The following GIPC2 variants were observed in gnomAD, a reference collection of about 807,000 sequenced individuals.
GIPC2 encodes the protein GIPC PDZ domain containing family member 2.
In GIPC2, 30 loss-of-function variants were observed where a neutral mutation model predicts 30.6. That is an observed-to-expected ratio of 0.98 (90% CI 0.73 to 1.33). The LOEUF (loss-of-function observed/expected upper bound fraction) is 1.33, where lower values mean the gene tolerates loss of function less well. Ranked by LOEUF, GIPC2 falls within the 40% of genes most tolerant of loss-of-function variation. The pLI, the probability that GIPC2 is intolerant of heterozygous loss-of-function variation, is 0.00. For synonymous variants in GIPC2, 167 were observed against 150.0 expected (o/e 1.11, Z -0.83); for missense variants, 414 against 390.3 (o/e 1.06, Z -0.51).
chr1:78,061,483 GT>G (rs773249263), intron 1 of GIPC2, among the ~76,000 whole-genome samples: 29 of 150,496 alleles, frequency 1.9e-4, no homozygotes, highest in Non-Finnish European at 3.9e-4. Context: ...TGGTAGAATG[GT>G]TTTTTTTTGT....
intron 3 of GIPC2, among the ~76,000 whole-genome samples, chr1:78,098,864 G>A (rs992776905): frequency 6.6e-6 from 1 of 152,086 alleles, no homozygotes; most frequent in Non-Finnish European, 1.5e-5. Flanking sequence ...AAGGAGAGAG[G>A]CCTCAAAAGA....
chr1:78,101,233 C>T (rs17101281), intron 3 of GIPC2, among the ~76,000 whole-genome samples: 5,585 of 152,166 alleles, frequency 0.037, 234 homozygotes, highest in African/African-American at 0.11. Flanking sequence ...TACTCAAGAT[C>T]AAGTCACTTG....
chr1:78,107,377 T>C (rs536933987), intron 3 of GIPC2, among the ~76,000 whole-genome samples: 1 of 152,170 alleles, frequency 6.6e-6, no homozygotes, highest in South Asian at 2.1e-4. Context: ...ACTCCTGGGC[T>C]CAAGCAGTAT....
At chr1:78,109,987 T>C (rs1240215040) in intron 3 of GIPC2, among the ~76,000 whole-genome samples, 1 of 147,954 alleles carries the variant, frequency 6.8e-6, no homozygotes, top group Non-Finnish European at 1.5e-5. Context: ...AATTGAACAA[T>C]GAGAACCCAT....
At chr1:78,106,553 C>G (rs983468447) in intron 3 of GIPC2, among the ~76,000 whole-genome samples, 1 of 152,088 alleles carries the variant, frequency 6.6e-6, no homozygotes, top group Non-Finnish European at 1.5e-5. Flanking sequence ...GAGCAAGACT[C>G]CATCTCAAAA....
At chr1:78,045,826 A>G (rs1412329806), upstream of GIPC2, 4 of 1,224,192 alleles carry the variant, frequency 3.3e-6, no homozygotes, top group African/African-American at 6.3e-5. Context: ...CATTTTTTAC[A>G]AGGAGTAGGG....
chr1:78,135,436 G>A (rs1662982374), intron 5 of GIPC2, among the ~76,000 whole-genome samples, 156 bp from the exon 6 acceptor site: 1 of 152,106 alleles, frequency 6.6e-6, no homozygotes, highest in Non-Finnish European at 1.5e-5. Context: ...GTGTGAGAGA[G>A]GGTATCTTAC....
chr1:78,121,283 T>TG (rs1662677907), intron 4 of GIPC2, among the ~76,000 whole-genome samples: 1 of 151,922 alleles, frequency 6.6e-6, no homozygotes, highest in African/African-American at 2.4e-5. Flanking sequence ...CGTGGGCAGA[T>TG]GGGATGTCGA....
chr1:78,091,811 T>C (rs1281318746), intron 2 of GIPC2: 6 of 777,222 alleles, frequency 7.7e-6, no homozygotes, highest in South Asian at 4.0e-5. Context: ...TAGAAAACTT[T>C]CTGAAGCTGA....
chr1:78,095,252 A>G (rs1012729245), intron 3 of GIPC2, 120 bp downstream of exon 3: 1 of 635,410 alleles, frequency 1.6e-6, no homozygotes, highest in African/African-American at 1.8e-5. Flanking sequence ...TATCTAACAT[A>G]TCAGTTAAAA....
At chr1:78,114,421 C>T (rs1473042603) in intron 3 of GIPC2, among the ~76,000 whole-genome samples, 1 of 152,114 alleles carries the variant, frequency 6.6e-6, no homozygotes, top group Non-Finnish European at 1.5e-5. Flanking sequence ...CCTGTTTTTT[C>T]CCCTGTGGAT....
chr1:78,061,032 G>A (rs965181488), intron 1 of GIPC2, among the ~76,000 whole-genome samples: 1 of 152,256 alleles, frequency 6.6e-6, no homozygotes, highest in Non-Finnish European at 1.5e-5. Context: ...TCCTTGCAGT[G>A]TCTCATAGGG....
At chr1:78,119,287 A>G (rs1662633220) in intron 3 of GIPC2, 106 bp from the exon 4 acceptor site, 3 of 623,716 alleles carry the variant, frequency 4.8e-6, no homozygotes, top group Non-Finnish European at 5.6e-6. Context: ...TCAAATTTCT[A>G]TAACAATTGT....
chr1:78,058,231 G>A (rs1051554928), intron 1 of GIPC2, among the ~76,000 whole-genome samples: 28 of 152,122 alleles, frequency 1.8e-4, no homozygotes, highest in Admixed American at 1.2e-3. Flanking sequence ...GTTAAGTGGG[G>A]TTAATGATAC....
chr1:78,134,697 C>T (rs547779243), intron 5 of GIPC2, among the ~76,000 whole-genome samples: 6 of 152,246 alleles, frequency 3.9e-5, no homozygotes, highest in East Asian at 3.9e-4. Flanking sequence ...CCTTGTGGCT[C>T]GTTCAGAGAA....
chr1:78,054,378 T>C (rs1661250411), intron 1 of GIPC2, among the ~76,000 whole-genome samples: 1 of 152,188 alleles, frequency 6.6e-6, no homozygotes, highest in African/African-American at 2.4e-5. Context: ...ATAATGGATA[T>C]AGTAGGAGAG....
intron 3 of GIPC2, among the ~76,000 whole-genome samples, chr1:78,108,445 G>A (rs6684364): frequency 0.32 from 48,914 of 152,018 alleles, 9,018 homozygotes; most frequent in East Asian, 0.62. Context: ...CTGTCTTATC[G>A]ACGGAATGGT....
intron 3 of GIPC2, among the ~76,000 whole-genome samples, chr1:78,116,624 CGCTAGTTT>C (rs1662572928): frequency 6.6e-6 from 1 of 151,918 alleles, no homozygotes; most frequent in African/African-American, 2.4e-5. Context: ...TCTGTCCTTA[CGCTAGTTT>C]GCTGAGAATG....
chr1:78,047,319 C>A (rs766295215), intron 1 of GIPC2, among the ~76,000 whole-genome samples: 1 of 152,150 alleles, frequency 6.6e-6, no homozygotes, highest in Non-Finnish European at 1.5e-5. Context: ...ACAGCGGCAC[C>A]TGGAGTTCTT....
Sources: allele counts gnomAD v4.1 joint callset (sites outside exome capture counted in the v4.1 genomes callset), GRCh38; gene constraint gnomAD v4.1.1; transcripts MANE v1.5; gene names NCBI Gene and HGNC (gene_info 2026-07-23, HGNC 2026-07-21).